The following SHISA9 variants were observed in gnomAD, a reference collection of about 807,000 sequenced individuals.
SHISA9 encodes shisa family member 9, also known as protein shisa-9.
In SHISA9, 13 loss-of-function variants were observed where a neutral mutation model predicts 38.0. The observed-to-expected ratio is 0.34, with a 90% confidence interval of 0.22 to 0.54. The LOEUF (loss-of-function observed/expected upper bound fraction) is 0.54. SHISA9 is among the 20% of genes least tolerant of loss of function. The pLI is 0.91. For missense variants in SHISA9, 538 were observed against 575.8 expected (o/e 0.93, Z 0.67); for synonymous variants, 275 against 242.0 (o/e 1.14, Z -1.27).
the SHISA9 span, among the ~76,000 whole-genome samples, chr16:13,440,919 A>G: frequency 1.7e-3 from 257 of 149,084 alleles, no homozygotes; most frequent in African/African-American, 5.8e-3. Flanking sequence ...AGACTCTGGG[A>G]AAAAAAAAAG....
At chr16:12,912,448 G>A (rs561661955) in intron 1 of SHISA9, among the ~76,000 whole-genome samples, 2 of 152,122 alleles carry the variant, frequency 1.3e-5, no homozygotes, top group Admixed American at 1.3e-4. Flanking sequence ...TTTGGGGCGC[G>A]GGAGAGTGGG....
At chr16:13,313,646 G>A in the SHISA9 span, among the ~76,000 whole-genome samples, 1 of 152,296 alleles carries the variant, frequency 6.6e-6, no homozygotes, top group East Asian at 1.9e-4. Flanking sequence ...TTTATGAATA[G>A]TCTGTAATAA....
chr16:13,278,806 T>G, the SHISA9 span, among the ~76,000 whole-genome samples: 3 of 152,112 alleles, frequency 2.0e-5, no homozygotes, highest in Non-Finnish European at 2.9e-5. Flanking sequence ...TTTTTTCTCT[T>G]CTTTTCTTGG....
intron 2 of SHISA9, among the ~76,000 whole-genome samples, chr16:13,043,914 T>C (rs1440289821): frequency 2.6e-5 from 4 of 152,204 alleles, no homozygotes; most frequent in East Asian, 1.9e-4. Context: ...CACTTTATTA[T>C]GCTTCTCCTT....
At position 13,105,820 on chromosome 16, in the gene SHISA9, G is replaced by C. The variant is rs2073920763; in HGVS notation, c.692-97574G>C. 2.6e-5 allele frequency among the ~76,000 whole-genome samples: 4 copies of C among 152,122 alleles called. No individual in the cohort carries two copies. The South Asian group carries it at 6.2e-4, about 24-fold the overall frequency. The stretch of plus-strand genomic sequence containing the variant: ...TAAAAACTTGGCTCTGCCTGGCCGG[G>C]GTACAGAGCTTCTAGGTTGAGGAAC... On this transcript the variant is annotated intron_variant, in intron 2 of 4. Transcript: ENST00000558583.
chr16:12,990,528 A>G (rs1379372207), intron 2 of SHISA9, among the ~76,000 whole-genome samples: 1 of 152,162 alleles, frequency 6.6e-6, no homozygotes, highest in East Asian at 1.9e-4. Context: ...GAATTATTTA[A>G]CCATTTTATT....
At chr16:13,134,390 A>AAT (rs2050330218) in intron 2 of SHISA9, among the ~76,000 whole-genome samples, 1 of 152,200 alleles carries the variant, frequency 6.6e-6, no homozygotes, top group Admixed American at 6.5e-5. Context: ...TGAGTGCCTG[A>AAT]CAATGTGCAA....
At chr16:13,251,399 G>A in the SHISA9 span, among the ~76,000 whole-genome samples, 2 of 152,164 alleles carry the variant, frequency 1.3e-5, no homozygotes, top group African/African-American at 4.8e-5. Flanking sequence ...TGGCCTAGGT[G>A]TGCTTTAAAG....
chr16:13,453,589 G>A, the SHISA9 span, among the ~76,000 whole-genome samples: 5 of 152,158 alleles, frequency 3.3e-5, no homozygotes, highest in African/African-American at 9.7e-5. Context: ...TCCTAGACCA[G>A]CCAGCCCCCA....
chr16:13,401,347 G>A, the SHISA9 span, among the ~76,000 whole-genome samples: 110,257 of 152,128 alleles, frequency 0.72, 40,131 homozygotes, highest in Admixed American at 0.82. Context: ...TAAACTGCCA[G>A]TCTGACTCCA....
At chr16:12,993,753 A>G (rs946352229) in intron 2 of SHISA9, among the ~76,000 whole-genome samples, 4 of 152,236 alleles carry the variant, frequency 2.6e-5, no homozygotes, top group Non-Finnish European at 5.9e-5. Context: ...TGAGGAGTCC[A>G]TTGAGACCAG....
At chr16:12,956,380 A>T (rs1185501507) in intron 2 of SHISA9, among the ~76,000 whole-genome samples, 1 of 152,188 alleles carries the variant, frequency 6.6e-6, no homozygotes, top group African/African-American at 2.4e-5. Flanking sequence ...CACCATTTTT[A>T]TTTGCCTGAA....
chr16:13,227,315 A>G (rs8053943), intron 4 of SHISA9, among the ~76,000 whole-genome samples: 36,336 of 152,134 alleles, frequency 0.24, 4,761 homozygotes, highest in East Asian at 0.36. Context: ...AAGTAGAACA[A>G]TGTTCAAAGG....
the SHISA9 span, among the ~76,000 whole-genome samples, chr16:13,249,048 A>G: frequency 6.6e-6 from 1 of 152,198 alleles, no homozygotes; most frequent in Non-Finnish European, 1.5e-5. Context: ...AAATTTCTCC[A>G]AGAGTCTCAG....
chr16:12,981,824 T>G (rs2072243635), intron 2 of SHISA9, among the ~76,000 whole-genome samples: 1 of 151,946 alleles, frequency 6.6e-6, no homozygotes, highest in Admixed American at 6.6e-5. Flanking sequence ...AAGAGGAGAT[T>G]AGGACACAGA....
the SHISA9 span, among the ~76,000 whole-genome samples, chr16:13,285,265 T>A: frequency 1.3e-5 from 2 of 152,194 alleles, no homozygotes; most frequent in African/African-American, 2.4e-5. Context: ...ATTTGTTTAC[T>A]GTACTTTGAA....
At chr16:13,448,695 A>G in the SHISA9 span, among the ~76,000 whole-genome samples, 5 of 152,246 alleles carry the variant, frequency 3.3e-5, no homozygotes, top group Non-Finnish European at 7.3e-5. Context: ...AACATTACAG[A>G]ATATCACAGG....
chr16:13,192,367 A>G (rs769245259), intron 2 of SHISA9, among the ~76,000 whole-genome samples: 5 of 152,144 alleles, frequency 3.3e-5, no homozygotes, highest in Non-Finnish European at 5.9e-5. Context: ...ATATGTATCT[A>G]AAATAAAATA....
chr16:13,297,392 C>G, the SHISA9 span, among the ~76,000 whole-genome samples: 22 of 152,182 alleles, frequency 1.4e-4, no homozygotes, highest in Non-Finnish European at 2.9e-4. Flanking sequence ...ATCGTGGAGC[C>G]TTTGAGACCA....
Sources: gnomAD v4.1 joint callset for allele counts (sites outside exome capture counted in the v4.1 genomes callset) on GRCh38, gnomAD v4.1.1 for gene constraint, MANE v1.5 for transcripts, NCBI Gene and HGNC (gene_info 2026-07-23, HGNC 2026-07-21) for gene names.